The following CDH22 variants were observed in gnomAD, a reference collection of about 807,000 sequenced individuals.
The protein encoded by CDH22 is cadherin-22.
In CDH22, 30 loss-of-function variants were observed where a neutral mutation model predicts 58.4. The ratio of observed to expected loss-of-function variants is 0.51; its 90% CI spans 0.38 to 0.70. The LOEUF (loss-of-function observed/expected upper bound fraction) is 0.70, where lower values mean the gene tolerates loss of function less well. Ranked by LOEUF, CDH22 falls within the 30% of genes least tolerant of loss-of-function variation. The pLI is 0.00. For missense variants in CDH22, 1,014 were observed against 1,233.9 expected, an observed-to-expected ratio of 0.82 and a Z score of 2.67; for synonymous variants, 513 against 558.2, an observed-to-expected ratio of 0.92 and a Z score of 1.14.
chr20:46,200,254 C>T (rs1250552185), intron 7 of CDH22, among the ~76,000 whole-genome samples: 2 of 151,696 alleles, frequency 1.3e-5, no homozygotes, highest in Admixed American at 6.6e-5. Context: ...GGATTACAGG[C>T]GTGAGCGACC....
In CDH22 at chr20:46,186,598, A is replaced by C; in HGVS notation, c.1653T>G (p.Leu551=). ...EAPSNPHFSL[L]DIQDNTAAVH... ...GGTTTGGAGGCTCACCTTGGATGTC[A>C]AGCAGAGAGAAATGAGGGTTGCTGG... is the stretch of plus-strand genomic sequence containing the variant. The change falls in exon 10 of 12, where the codon CTT becomes CTG. Residue 551 remains leucine (L), a synonymous_variant. Coordinates refer to ENST00000537909, the MANE Select transcript of CDH22 (RefSeq NM_021248.3). 1 of 1,610,810 alleles carries C rather than the reference A, an allele frequency of 6.2e-7. No individual in the cohort carries two copies. Among genetic ancestry groups the C allele is most frequent in the South Asian group, 1.1e-5 (1 of 90,914 alleles).
At position 46,210,854 on chromosome 20, in the gene CDH22, T is replaced by C. The variant is rs78884581; in HGVS notation, c.1033-294A>G. 1.3e-5 allele frequency among the ~76,000 whole-genome samples: 2 copies of C among 152,354 alleles called. No individual in the cohort carries two copies. Among genetic ancestry groups the C allele is most frequent in the East Asian group, 3.9e-4 (2 of 5,184 alleles). On this transcript the variant is annotated intron_variant, in intron 6 of 11. Coordinates refer to ENST00000537909, the MANE Select transcript of CDH22 (RefSeq NM_021248.3). This position sits in a 1 kb window ranked among gnomAD's most constrained non-coding sequence, Gnocchi z 4.5. The stretch of plus-strand genomic sequence containing the variant: ...GCGCAGTGTTGGCGGCATATTTCAT[T>C]AGTTTAGTTCACGAACACAAAGCAC...
chr20:46,176,860 A>G (rs1423555553), intron 11 of CDH22, among the ~76,000 whole-genome samples: 1 of 152,246 alleles, frequency 6.6e-6, no homozygotes, highest in Non-Finnish European at 1.5e-5. Context: ...CGGGCGACAG[A>G]TGTGCCAGGC....
At chr20:46,285,940 C>T (rs1208128979) in intron 1 of CDH22, among the ~76,000 whole-genome samples, 1 of 152,208 alleles carries the variant, frequency 6.6e-6, no homozygotes, top group Admixed American at 6.5e-5. Flanking sequence ...TTCCTAATCT[C>T]TAAAATGGGC....
intron 4 of CDH22, 129 bp downstream of exon 4, chr20:46,227,379 G>T: frequency 1.2e-6 from 1 of 861,604 alleles, no homozygotes; most frequent in Non-Finnish European, 1.8e-6. Context: ...TGTGCACAAG[G>T]TGCCCCCTGT....
At position 46,213,183 on chromosome 20, in the gene CDH22, A is replaced by G; in HGVS notation, c.844T>C (p.Tyr282His). Residue 282 changes from tyrosine to histidine, a missense_variant, in exon 6 of 12, where the codon TAC becomes CAC. This residue lies in a region of CDH22 where 806 missense variants were observed against 1,038.7 expected (regional missense o/e 0.78). Transcript: ENST00000537909. Reference protein sequence around the residue: ...DNPPRFPQKMYQFSIQESAPI... With the variant: ...DNPPRFPQKMHQFSIQESAPI... ...GCTGACTCCTGGATGCTGAACTGGTACATCTCTGTGGGGGACACGGCCATG... is the reference window on the plus strand; with the variant it reads ...GCTGACTCCTGGATGCTGAACTGGTGCATCTCTGTGGGGGACACGGCCATG... The G allele has an allele frequency of 1.2e-6, 2 of 1,614,036 alleles. No homozygotes were observed. Among genetic ancestry groups the G allele is most frequent in the African/African-American group, 1.3e-5 (1 of 75,018 alleles).
At chr20:46,295,375 T>G (rs1035782738) in intron 1 of CDH22, among the ~76,000 whole-genome samples, 41 of 152,252 alleles carry the variant, frequency 2.7e-4, no homozygotes, top group Admixed American at 6.5e-5. Context: ...AGCTCTCCGC[T>G]GTCCACTCCT....
chr20:46,284,350 C>T (rs1227097564), intron 1 of CDH22, among the ~76,000 whole-genome samples: 1 of 152,222 alleles, frequency 6.6e-6, no homozygotes, highest in African/African-American at 2.4e-5. Flanking sequence ...CTGGAAGAAG[C>T]GGTTCACAAC....
chr20:46,286,589 C>T (rs573761488), intron 1 of CDH22, among the ~76,000 whole-genome samples: 3 of 151,798 alleles, frequency 2.0e-5, no homozygotes, highest in South Asian at 2.1e-4. Context: ...AGCCAGCCCC[C>T]GATCCGCCGA....
chr20:46,260,906 G>T (rs541234033), intron 1 of CDH22, among the ~76,000 whole-genome samples: 12 of 152,300 alleles, frequency 7.9e-5, no homozygotes, highest in African/African-American at 2.9e-4. Flanking sequence ...AAGAAGTGGG[G>T]CTGCACAGAG....
At chr20:46,199,862 C>T (rs903008441) in intron 7 of CDH22, among the ~76,000 whole-genome samples, 7 of 152,216 alleles carry the variant, frequency 4.6e-5, no homozygotes, top group Non-Finnish European at 8.8e-5. Context: ...AAATGCTTGG[C>T]ACAGTTAGAC....
chr20:46,203,396 C>T (rs1415282140), intron 7 of CDH22, among the ~76,000 whole-genome samples: 1 of 151,918 alleles, frequency 6.6e-6, no homozygotes, highest in Non-Finnish European at 1.5e-5. Context: ...TGTATTTGGT[C>T]TGTGTTGTGG....
At chr20:46,293,218 T>C (rs2425859) in intron 1 of CDH22, among the ~76,000 whole-genome samples, 95,558 of 151,952 alleles carry the variant, frequency 0.63, 30,807 homozygotes, top group African/African-American at 0.76. Flanking sequence ...AATGGCCTGT[T>C]GCCTCAGCCA....
chr20:46,196,403 A>T (rs1374556450), intron 8 of CDH22, among the ~76,000 whole-genome samples: 1 of 152,002 alleles, frequency 6.6e-6, no homozygotes, highest in Non-Finnish European at 1.5e-5. Context: ...CCTCCCCAGC[A>T]GCTGGGAGTA....
chr20:46,210,219 A>G lies in CDH22; in HGVS notation c.1286+88T>C. 7.8e-7 allele frequency: 1 copy of G among 1,277,586 alleles called. No individual in the cohort carries two copies. The highest frequency in any genetic ancestry group is 1.0e-6 in the Non-Finnish European group (1 of 997,082). The allele number at this position is 1,277,586 out of a possible 1,614,324, so 79.1% of individuals were successfully genotyped here. On this transcript the variant is annotated intron_variant, in intron 7 of 11. Transcript: ENST00000537909. This position sits in a 1 kb window ranked among gnomAD's most constrained non-coding sequence, Gnocchi z 4.5. ...CCCTTCCTTCGGCCCTGCCCGCCCCAGCCCTCCTCCCCTCTGCCCGCAGTC... is the reference window on the plus strand; with the variant it reads ...CCCTTCCTTCGGCCCTGCCCGCCCCGGCCCTCCTCCCCTCTGCCCGCAGTC...
chr20:46,301,724 T>C (rs538212075), intron 1 of CDH22, among the ~76,000 whole-genome samples: 2 of 151,890 alleles, frequency 1.3e-5, no homozygotes, highest in Admixed American at 6.6e-5. Flanking sequence ...GGGAGGAGAA[T>C]TGCTTGAACC....
chr20:46,291,483 C>T (rs1473768192), intron 1 of CDH22, among the ~76,000 whole-genome samples: 1 of 152,196 alleles, frequency 6.6e-6, no homozygotes, highest in Non-Finnish European at 1.5e-5. Flanking sequence ...AGGTAAGTTG[C>T]ATAAGATCCC....
rs956660706 is a variant in CDH22, at chr20:46,174,021, C to T, written c.*485G>A. The T allele has an allele frequency of 6.2e-6, 1 of 160,782 alleles. No individual in the cohort carries two copies. Among genetic ancestry groups the T allele is most frequent in the African/African-American group, 2.4e-5 (1 of 41,594 alleles). 10.0% of individuals were successfully genotyped at this position (160,782 alleles called of 1,614,324 possible). A position where few individuals can be genotyped will look rare whatever the true frequency, so the allele number is the denominator to read the frequency against. Reference sequence around the variant, plus strand: ...CTTTCCCCTTCTATTCCGTGCAGGACACCACCTCATGGTTTCTCTGACGAC... The same window carrying T: ...CTTTCCCCTTCTATTCCGTGCAGGATACCACCTCATGGTTTCTCTGACGAC... On this transcript the variant is annotated 3_prime_UTR_variant, in exon 12 of 12. Coordinates refer to ENST00000537909, the MANE Select transcript of CDH22 (RefSeq NM_021248.3). This position sits in a 1 kb window ranked among gnomAD's most constrained non-coding sequence, Gnocchi z 4.4.
intron 11 of CDH22, among the ~76,000 whole-genome samples, chr20:46,176,979 G>C (rs1321701971): frequency 2.6e-5 from 4 of 152,228 alleles, no homozygotes; most frequent in African/African-American, 9.6e-5. Context: ...TGAAACCGCT[G>C]TAAAGTGCAC....
Sources: gnomAD v4.1 joint callset for allele counts (sites outside exome capture counted in the v4.1 genomes callset) on GRCh38, gnomAD v4.1.1 for gene constraint, gnomAD v4.1.1 regional missense constraint, Gnocchi (gnomAD v3.1) non-coding constraint, MANE v1.5 for transcripts, NCBI Gene and HGNC (gene_info 2026-07-23, HGNC 2026-07-21) for gene names.